The following ACAD8 variants were observed in gnomAD, a reference collection of about 807,000 sequenced individuals.
ACAD8 encodes acyl-CoA dehydrogenase family member 8.
ACAD8 carries 47 observed loss-of-function variants against 53.1 expected under a neutral mutation model. The observed-to-expected ratio is 0.89, with a 90% CI of 0.70 to 1.13. ACAD8 has a LOEUF of 1.13. Among genes scored for constraint, ACAD8 ranks in the 50% most tolerant of loss-of-function variants. The probability of loss-of-function intolerance (pLI) is 0.00; values close to 1 mark genes in which losing one functional copy is unlikely to be tolerated. For missense variants in ACAD8, 494 were observed against 535.0 expected (o/e 0.92, Z 0.76); for synonymous variants, 198 against 201.3 (o/e 0.98, Z 0.14).
In ACAD8 at chr11:134,257,073, C is replaced by T; in HGVS notation, c.211-15C>T. ...TGAATCAGCTGCTGATCACCCTGCT[C>T]TCTTTTGTACATAGGAGCTGTTCCC... is the stretch of plus-strand genomic sequence containing the variant. On this transcript the variant is annotated splice_polypyrimidine_tract_variant and intron_variant, in intron 2 of 10. Coordinates refer to ENST00000281182, the MANE Select transcript of ACAD8 (RefSeq NM_014384.3). 6.2e-7 allele frequency: 1 copy of T among 1,614,114 alleles called. No homozygotes were observed. Among genetic ancestry groups the T allele is most frequent in the Middle Eastern group, 1.7e-4 (1 of 6,058 alleles).
intron 1 of ACAD8, 41 bp downstream of exon 1, chr11:134,253,750 C>T (rs1369127418): frequency 3.3e-6 from 5 of 1,538,010 alleles, no homozygotes; most frequent in African/African-American, 1.4e-5. Flanking sequence ...GTGTCCAGAA[C>T]CCCGGCGGAC....
At chr11:134,258,448 C>T (rs573859354) in intron 3 of ACAD8, 67 bp from the exon 4 acceptor site, 5 of 1,092,534 alleles carry the variant, frequency 4.6e-6, no homozygotes, top group Non-Finnish European at 6.9e-6. Flanking sequence ...TTCCCCTTCT[C>T]CCCCATTTTT....
chr11:134,256,754 A>C, intron 2 of ACAD8, 106 bp downstream of exon 2: 1 of 1,003,502 alleles, frequency 1.0e-6, no homozygotes. Context: ...TCCACTTACC[A>C]ACTCTTACTG....
At chr11:134,260,942 T>A in intron 6 of ACAD8, 102 bp from the exon 7 acceptor site, 1 of 1,377,488 alleles carries the variant, frequency 7.3e-7, no homozygotes, top group South Asian at 1.2e-5. Flanking sequence ...TGGGTCTAAG[T>A]CTTGGGTGCT....
rs1039628336 is a variant in ACAD8, at chr11:134,263,320, C to T, written c.1195+698C>T. On this transcript the variant is annotated intron_variant, in intron 10 of 10. Transcript: ENST00000281182. Reference sequence around the variant, plus strand: ...TGGAAACATTATATAATGGGGCTTCCCTGCCCCTTTCACAGCACCCTTCTC... The same window carrying T: ...TGGAAACATTATATAATGGGGCTTCTCTGCCCCTTTCACAGCACCCTTCTC... The T allele has an allele frequency of 9.0e-6, 9 of 994,970 alleles. No homozygotes were observed. In the African/African-American group the frequency reaches 1.6e-4, roughly 17 times the overall value. 61.6% of individuals were successfully genotyped at this position (994,970 alleles called of 1,614,324 possible).
chr11:134,264,843 C>T, intron 10 of ACAD8, 65 bp from the exon 11 acceptor site: 1 of 1,456,652 alleles, frequency 6.9e-7, no homozygotes, highest in Non-Finnish European at 9.6e-7. Context: ...GCAGCCTGGT[C>T]AGAGCTTTAC....
chr11:134,261,588 C>T lies in ACAD8; in HGVS notation c.940-150C>T. 6.5e-7 allele frequency: 1 copy of T among 1,542,866 alleles called. No homozygotes were observed. The highest frequency in any genetic ancestry group is 8.7e-7 in the Non-Finnish European group (1 of 1,148,886). On this transcript the variant is annotated intron_variant, in intron 8 of 10. Coordinates refer to ENST00000281182, the MANE Select transcript of ACAD8 (RefSeq NM_014384.3). This position sits in a 1 kb window ranked among gnomAD's most constrained non-coding sequence, Gnocchi z 4.2. ...GTGAAGTGGACTTAGCACTTAAAAG[C>T]AATAAATTTCCTCTATAGAAAAAGC...
At position 134,265,076 on chromosome 11, in the gene ACAD8, C is replaced by G; in HGVS notation, c.*116C>G. On this transcript the variant is annotated 3_prime_UTR_variant, in exon 11 of 11. Transcript: ENST00000281182. ...GATTAGACCCAAGGGCTGAGCTCCT[C>G]TAGGGCAGGACCTGCACCCTGTGTG... The G allele has an allele frequency of 8.6e-7, 1 of 1,167,382 alleles. No homozygotes were observed. The highest frequency in any genetic ancestry group is 1.3e-6 in the Non-Finnish European group (1 of 779,496). The allele number at this position is 1,167,382 out of a possible 1,614,324, so 72.3% of individuals were successfully genotyped here.
chr11:134,262,288 GA>G (rs1939928792), intron 9 of ACAD8: 1 of 664,608 alleles, frequency 1.5e-6, no homozygotes, highest in South Asian at 1.5e-5. Flanking sequence ...TAATAAGGGA[GA>G]GGGGCAGAGG....
chr11:134,254,230 C>A (rs1048761), intron 1 of ACAD8, among the ~76,000 whole-genome samples: 57,723 of 152,042 alleles, frequency 0.38, 11,151 homozygotes, highest in African/African-American at 0.46. Flanking sequence ...GTGACAACTG[C>A]ACAAGAACTC....
At chr11:134,258,331 C>G in intron 3 of ACAD8, 184 bp from the exon 4 acceptor site, 2 of 645,050 alleles carry the variant, frequency 3.1e-6, no homozygotes, top group Non-Finnish European at 5.6e-6. Context: ...AGTCCTTATT[C>G]CAGGAATATG....
chr11:134,262,685 A>G (rs528146995), intron 10 of ACAD8, 63 bp downstream of exon 10: 2 of 1,545,494 alleles, frequency 1.3e-6, no homozygotes, highest in Non-Finnish European at 1.8e-6. Context: ...TGCTTTCCCC[A>G]CTCTCTGTCC....
intron 1 of ACAD8, among the ~76,000 whole-genome samples, chr11:134,254,545 C>T (rs1346583447): frequency 6.6e-6 from 1 of 152,110 alleles, no homozygotes; most frequent in Non-Finnish European, 1.5e-5. Context: ...CAGAATAAGT[C>T]CCTTAGATAT....
chr11:134,254,030 G>C (rs1420379508), intron 1 of ACAD8, among the ~76,000 whole-genome samples: 1 of 149,434 alleles, frequency 6.7e-6, no homozygotes, highest in African/African-American at 2.5e-5. Flanking sequence ...ACCCCCCGCA[G>C]GTTCCCCTCC....
intron 1 of ACAD8, among the ~76,000 whole-genome samples, chr11:134,255,136 CTTAT>C (rs1033393225): frequency 6.6e-6 from 1 of 152,036 alleles, no homozygotes; most frequent in Non-Finnish European, 1.5e-5. Context: ...GTGAATGGAT[CTTAT>C]TTATTTATTT....
At chr11:134,260,818 C>T in intron 6 of ACAD8, 2 of 574,310 alleles carry the variant, frequency 3.5e-6, no homozygotes, top group African/African-American at 1.9e-5. Flanking sequence ...GTAGAGTAGA[C>T]ATTAGTAGAT....
chr11:134,256,705 TA>T (rs1939548513), intron 2 of ACAD8, 57 bp downstream of exon 2: 11 of 1,440,810 alleles, frequency 7.6e-6, no homozygotes, highest in Middle Eastern at 1.7e-4. Flanking sequence ...GGCAGACCTT[TA>T]TCTTTGTCTC....
chr11:134,261,242 C>G lies in ACAD8; in HGVS notation c.842-33C>G. On this transcript the variant is annotated intron_variant, in intron 7 of 10. Coordinates refer to ENST00000281182, the MANE Select transcript of ACAD8 (RefSeq NM_014384.3). The surrounding 1 kb of genome is among the most constrained non-coding windows in gnomAD (Gnocchi z 4.2). ...CGGGACAGGCACTGCTGTTTTCCAG[C>G]TTGGTTGGAACGTCGGCGCTCTTCC... 1 of 1,614,152 alleles carries G rather than the reference C, an allele frequency of 6.2e-7. No individual in the cohort carries two copies. The highest frequency in any genetic ancestry group is 2.2e-5 in the East Asian group (1 of 44,866).
intron 1 of ACAD8, among the ~76,000 whole-genome samples, chr11:134,255,545 A>T (rs1263960474): frequency 2.6e-5 from 4 of 152,244 alleles, no homozygotes; most frequent in African/African-American, 9.6e-5. Flanking sequence ...CAACCCTTGT[A>T]CAAAATTGTG....
Sources: allele counts gnomAD v4.1 joint callset (sites outside exome capture counted in the v4.1 genomes callset), GRCh38; gene constraint gnomAD v4.1.1; non-coding constraint Gnocchi (gnomAD v3.1); transcripts MANE v1.5; gene names NCBI Gene and HGNC (gene_info 2026-07-23, HGNC 2026-07-21).